CALD1: variants seen among roughly 807,000 people sequenced by gnomAD.
CALD1 encodes caldesmon.
A neutral mutation model predicts 99.9 loss-of-function variants in CALD1; 33 were observed. The ratio of observed to expected loss-of-function variants is 0.33; its 90% CI spans 0.25 to 0.44. The LOEUF is 0.44. Ranked by LOEUF, CALD1 falls within the 20% of genes least tolerant of loss-of-function variation. The pLI, the probability that CALD1 is intolerant of heterozygous loss-of-function variation, is 1.00. For synonymous variants in CALD1, 310 were observed against 325.0 expected, an observed-to-expected ratio of 0.95 and a Z score of 0.50; for missense variants, 861 against 962.1, an observed-to-expected ratio of 0.89 and a Z score of 1.39.
At chr7:134,846,615 A>G (rs1799864152) in intron 2 of CALD1, among the ~76,000 whole-genome samples, 1 of 151,994 alleles carries the variant, frequency 6.6e-6, no homozygotes, top group Non-Finnish European at 1.5e-5. Flanking sequence ...TCCTTGCTTT[A>G]TGTTTCTTCT....
At chr7:134,935,019 T>C (rs1805849187) in intron 5 of CALD1, among the ~76,000 whole-genome samples, 1 of 152,172 alleles carries the variant, frequency 6.6e-6, no homozygotes, top group Non-Finnish European at 1.5e-5. Flanking sequence ...CATGTAGACC[T>C]CAGCTTAATG....
At chr7:134,794,319 A>G (rs549635467) in intron 1 of CALD1, among the ~76,000 whole-genome samples, 4 of 152,288 alleles carry the variant, frequency 2.6e-5, no homozygotes, top group South Asian at 4.2e-4. Flanking sequence ...AGGTGTACCT[A>G]TGTACACTAG....
intron 13 of CALD1, chr7:134,961,911 T>A (rs1808293387): frequency 6.6e-6 from 1 of 152,014 alleles, no homozygotes. Context: ...TCCAGACCAG[T>A]GATTATTAAC....
chr7:134,878,248 G>C (rs1263138955), intron 3 of CALD1, among the ~76,000 whole-genome samples: 6 of 152,188 alleles, frequency 3.9e-5, no homozygotes, highest in African/African-American at 1.4e-4. Context: ...CCACTTCCCT[G>C]AGAGGGCAAG....
intron 1 of CALD1, among the ~76,000 whole-genome samples, chr7:134,758,266 T>C (rs1179219656): frequency 1.3e-5 from 2 of 152,258 alleles, no homozygotes; most frequent in South Asian, 2.1e-4. Context: ...AGGGACTTTC[T>C]TGTTGAACCA....
intron 12 of CALD1, 27 bp from the exon 13 acceptor site, chr7:134,960,506 A>G (rs569653702): frequency 7.3e-7 from 1 of 1,376,544 alleles, no homozygotes; most frequent in East Asian, 2.3e-5. Flanking sequence ...TCATTCTTTA[A>G]TATTTTGGAT....
chr7:134,805,551 T>A (rs1798103477), intron 1 of CALD1, among the ~76,000 whole-genome samples: 1 of 152,176 alleles, frequency 6.6e-6, no homozygotes, highest in Non-Finnish European at 1.5e-5. Context: ...TTTCTCTGTG[T>A]TCCTGTTTTC....
At chr7:134,853,273 G>A (rs1800154347) in intron 2 of CALD1, among the ~76,000 whole-genome samples, 1 of 152,168 alleles carries the variant, frequency 6.6e-6, no homozygotes, top group South Asian at 2.1e-4. Flanking sequence ...ACCTATTTAG[G>A]AGAGAGAAGT....
chr7:134,781,137 T>C (rs1385240020), intron 1 of CALD1, among the ~76,000 whole-genome samples: 1 of 152,242 alleles, frequency 6.6e-6, no homozygotes, highest in African/African-American at 2.4e-5. Flanking sequence ...AGAGAAAAGC[T>C]GCAGGCAAAA....
intron 1 of CALD1, among the ~76,000 whole-genome samples, chr7:134,800,054 G>C (rs942425431): frequency 1.3e-5 from 2 of 151,782 alleles, no homozygotes; most frequent in African/African-American, 4.8e-5. Flanking sequence ...AGAAAATCAG[G>C]GTTATAAAAA....
At chr7:134,950,266 G>T in intron 8 of CALD1, 108 bp from the exon 9 acceptor site, 3 of 1,056,522 alleles carry the variant, frequency 2.8e-6, no homozygotes, top group Non-Finnish European at 4.1e-6. Flanking sequence ...TGTCCAGCCT[G>T]CGGCCTGAGT....
At chr7:134,756,942 C>T (rs1585899595) in intron 1 of CALD1, among the ~76,000 whole-genome samples, 1 of 152,306 alleles carries the variant, frequency 6.6e-6, no homozygotes, top group Admixed American at 6.5e-5. Flanking sequence ...CTATGCGTAA[C>T]TTGAAAACCG....
At chr7:134,821,548 C>T (rs1798774508) in intron 1 of CALD1, among the ~76,000 whole-genome samples, 1 of 149,336 alleles carries the variant, frequency 6.7e-6, no homozygotes, top group African/African-American at 2.5e-5. Flanking sequence ...GTTCTTTATA[C>T]TTTTTTGGGG....
intron 6 of CALD1, 64 bp downstream of exon 6, chr7:134,935,829 T>C: frequency 6.7e-7 from 1 of 1,493,540 alleles, no homozygotes; most frequent in Non-Finnish European, 9.0e-7. Context: ...TTCCAAGATA[T>C]CTCAGGTCTG....
chr7:134,966,109 A>G (rs1448557371), intron 14 of CALD1, among the ~76,000 whole-genome samples: 1 of 152,174 alleles, frequency 6.6e-6, no homozygotes, highest in African/African-American at 2.4e-5. Flanking sequence ...AGAAAATTAA[A>G]AAGGGAGAAA....
intron 7 of CALD1, among the ~76,000 whole-genome samples, chr7:134,946,255 G>A (rs1342058194): frequency 1.3e-5 from 2 of 151,874 alleles, no homozygotes; most frequent in East Asian, 3.9e-4. Flanking sequence ...ACCCACTGAG[G>A]TAAATAGAAT....
At position 134,928,919 on chromosome 7, in the gene CALD1, CG is replaced by C; in HGVS notation, c.218+23del. 2 of 1,585,380 alleles carry C rather than the reference CG, an allele frequency of 1.3e-6. No individual in the cohort carries two copies. The highest frequency in any genetic ancestry group is 1.7e-6 in the Non-Finnish European group (2 of 1,162,208). ...AGAACAGGTACTGTCCTCTTTGGGA[CG>C]GGGAGTTTCTAACTTGCGTCTTAGC... On this transcript the variant is annotated intron_variant, in intron 4 of 14. Coordinates refer to ENST00000361675, the MANE Select transcript of CALD1 (RefSeq NM_033138.4).
At chr7:134,836,544 T>A (rs1586068713) in intron 1 of CALD1, among the ~76,000 whole-genome samples, 1 of 152,170 alleles carries the variant, frequency 6.6e-6, no homozygotes, top group African/African-American at 2.4e-5. Context: ...CTTTTTATTA[T>A]CTACACTAGG....
chr7:134,842,827 T>C (rs2132157827), intron 1 of CALD1, among the ~76,000 whole-genome samples: 1 of 152,326 alleles, frequency 6.6e-6, no homozygotes, highest in Admixed American at 6.5e-5. Context: ...TGAATGACTT[T>C]AGCTAGAGGT....
Sources: allele counts gnomAD v4.1 joint callset (sites outside exome capture counted in the v4.1 genomes callset), GRCh38; gene constraint gnomAD v4.1.1; transcripts MANE v1.5; gene names NCBI Gene and HGNC (gene_info 2026-07-23, HGNC 2026-07-21).